The following TMEM181 variants were observed in gnomAD, a reference collection of about 807,000 sequenced individuals.
TMEM181 encodes the protein G protein-coupled receptor 178.
In TMEM181, 39 loss-of-function variants were observed where a neutral mutation model predicts 71.9. That is an observed-to-expected ratio of 0.54 (90% CI 0.42 to 0.71). TMEM181 has a LOEUF of 0.71. TMEM181 is among the 30% of genes least tolerant of loss of function. The pLI is 0.00. For synonymous variants in TMEM181, 245 were observed against 228.8 expected (o/e 1.07, Z -0.64); for missense variants, 595 against 583.0 (o/e 1.02, Z -0.21).
chr6:158,572,000 T>A (rs1241865506), intron 1 of TMEM181, among the ~76,000 whole-genome samples: 1 of 152,216 alleles, frequency 6.6e-6, no homozygotes, highest in Non-Finnish European at 1.5e-5. Flanking sequence ...TGGGTGAGTG[T>A]TTGCACTGAG....
intron 6 of TMEM181, among the ~76,000 whole-genome samples, chr6:158,603,181 A>G (rs1784763572): frequency 6.6e-6 from 1 of 152,110 alleles, no homozygotes; most frequent in Admixed American, 6.5e-5. Context: ...GACCTCCCAA[A>G]TTCAGGAACC....
Position 158,588,845 on chromosome 6 carries a change from C to T in TMEM181, c.382-827C>T, listed in dbSNP as rs111847828. ...GCTTGACCAGTCATTGGAGCGATGC[C>T]CTATTAGAAAGCCAGAGAACCACCC... On this transcript the variant is annotated intron_variant, in intron 5 of 16. Transcript: ENST00000684151. 2.3e-3 allele frequency among the ~76,000 whole-genome samples: 353 copies of T among 152,294 alleles called. 3 individuals carry two copies. The highest frequency in any genetic ancestry group is 7.8e-3 in the African/African-American group (323 of 41,554).
chr6:158,605,416 A>C (rs931541143), intron 7 of TMEM181, 69 bp downstream of exon 7: 1 of 1,422,938 alleles, frequency 7.0e-7, no homozygotes, highest in Middle Eastern at 1.8e-4. Context: ...TGCAGTTAGG[A>C]TCTTCGGTGC....
chr6:158,585,498 GT>G, intron 5 of TMEM181, 73 bp downstream of exon 5: 1 of 1,347,880 alleles, frequency 7.4e-7, no homozygotes, highest in Non-Finnish European at 9.6e-7. Flanking sequence ...CCACTTTCCA[GT>G]CTAAAAGATA....
In TMEM181 at chr6:158,536,764, C is replaced by T. The variant is rs1419515974; in HGVS notation, c.30C>T (p.Pro10=). ...ACGCCGAGTACCCTGCCTTTGAGCC[C>T]CCGCTCTGCAGCGAGCTCAAGCACC... Residue 10 remains proline, a synonymous_variant, in exon 1 of 17, where the codon CCC becomes CCT. Transcript: ENST00000367090. 2.5e-6 allele frequency: 4 copies of T among 1,576,470 alleles called. No homozygotes were observed. In the East Asian group the frequency reaches 7.2e-5, roughly 28 times the overall value.
intron 6 of TMEM181, among the ~76,000 whole-genome samples, chr6:158,592,161 C>A (rs1784145601): frequency 6.6e-6 from 1 of 152,188 alleles, no homozygotes; most frequent in South Asian, 2.1e-4. Context: ...GTTTCCCCAG[C>A]AGCCAGCATA....
At chr6:158,562,694 T>A (rs1782256900) in intron 1 of TMEM181, among the ~76,000 whole-genome samples, 3 of 152,144 alleles carry the variant, frequency 2.0e-5, no homozygotes, top group Admixed American at 6.5e-5. Flanking sequence ...CTTGGGTCAG[T>A]ATCCTATTCC....
rs185721942 is a variant in TMEM181, at chr6:158,598,738, A to G, written c.493-6529A>G. ...GCGTAGGCTGGAGTGCAGTGGCACA[A>G]TCTCGGCTCACTGCAAGCTCTGCCT... On this transcript the variant is annotated intron_variant, in intron 6 of 16. Coordinates refer to ENST00000684151, the MANE Select transcript of TMEM181 (RefSeq NM_001376852.1). 6.3e-3 allele frequency among the ~76,000 whole-genome samples: 955 copies of G among 151,582 alleles called. 15 individuals are homozygous for G. Among genetic ancestry groups the G allele is most frequent in the African/African-American group, 0.022 (909 of 41,252 alleles).
intron 1 of TMEM181, among the ~76,000 whole-genome samples, chr6:158,549,098 A>C (rs1781636023): frequency 1.3e-5 from 2 of 149,226 alleles, no homozygotes; most frequent in Non-Finnish European, 3.0e-5. Flanking sequence ...ATGAGGGAAA[A>C]TGTGCACACT....
intron 1 of TMEM181, among the ~76,000 whole-genome samples, chr6:158,562,956 C>G (rs947562507): frequency 3.9e-5 from 6 of 152,182 alleles, no homozygotes; most frequent in African/African-American, 1.4e-4. Flanking sequence ...GGCTTTAGAG[C>G]TGAGCCCAAA....
chr6:158,551,640 C>A (rs527361167), intron 1 of TMEM181, among the ~76,000 whole-genome samples: 1 of 152,190 alleles, frequency 6.6e-6, no homozygotes, highest in South Asian at 2.1e-4. Context: ...CAGGACCATT[C>A]GACTTTTACA....
chr6:158,562,059 C>T (rs1782209912), intron 1 of TMEM181, among the ~76,000 whole-genome samples: 1 of 152,088 alleles, frequency 6.6e-6, no homozygotes, highest in Admixed American at 6.5e-5. Context: ...GAGAACAGAG[C>T]CGCTTGGAGG....
At chr6:158,605,422 G>A (rs1053163413) in intron 7 of TMEM181, 75 bp downstream of exon 7, 7 of 1,351,802 alleles carry the variant, frequency 5.2e-6, no homozygotes, top group Admixed American at 1.7e-5. Context: ...TAGGATCTTC[G>A]GTGCAAGCCA....
At chr6:158,583,422 A>G (rs1388258256) in intron 3 of TMEM181, among the ~76,000 whole-genome samples, 1 of 152,072 alleles carries the variant, frequency 6.6e-6, no homozygotes, top group Non-Finnish European at 1.5e-5. Context: ...CTGCTTAGAG[A>G]TTTCTGTGAG....
chr6:158,566,574 T>C, intron 1 of TMEM181, among the ~76,000 whole-genome samples: 1 of 117,380 alleles, frequency 8.5e-6, no homozygotes, highest in Non-Finnish European at 1.7e-5. Context: ...AGGGAGGTGA[T>C]GGTGAGGAGT....
At chr6:158,603,646 AT>A (rs1225624559) in intron 6 of TMEM181, among the ~76,000 whole-genome samples, 1 of 142,922 alleles carries the variant, frequency 7.0e-6, no homozygotes, top group African/African-American at 2.6e-5. Context: ...GTGCCTTCAC[AT>A]TTACCAATCT....
upstream of TMEM181, among the ~76,000 whole-genome samples, chr6:158,555,806 GACAA>G (rs1781862877): frequency 6.6e-6 from 1 of 152,148 alleles, no homozygotes; most frequent in African/African-American, 2.4e-5. Context: ...CAGGAGTTTG[GACAA>G]TGTTTAGATG....
intron 5 of TMEM181, among the ~76,000 whole-genome samples, chr6:158,585,962 C>T (rs1480903380): frequency 6.6e-6 from 1 of 152,194 alleles, no homozygotes; most frequent in East Asian, 1.9e-4. Context: ...GTAACTGGGA[C>T]TGCAAGCGTA....
intron 6 of TMEM181, among the ~76,000 whole-genome samples, chr6:158,594,271 G>T (rs1192660208): frequency 6.6e-6 from 1 of 151,736 alleles, no homozygotes; most frequent in Non-Finnish European, 1.5e-5. Context: ...GCTAATTTTT[G>T]TATTTTTAGT....
Sources: gnomAD v4.1 joint callset for allele counts (sites outside exome capture counted in the v4.1 genomes callset) on GRCh38, gnomAD v4.1.1 for gene constraint, MANE v1.5 for transcripts, NCBI Gene and HGNC (gene_info 2026-07-23, HGNC 2026-07-21) for gene names.